VPS37A: variants seen among roughly 807,000 people sequenced by gnomAD.
The protein encoded by VPS37A is VPS37A subunit of ESCRT-I.
VPS37A carries 30 observed loss-of-function variants against 49.8 expected under a neutral mutation model. The ratio of observed to expected loss-of-function variants is 0.60; its 90% confidence interval spans 0.45 to 0.82. VPS37A has a LOEUF of 0.82. Among genes scored for constraint, VPS37A ranks in the 40% least tolerant of loss-of-function variants. The pLI, the probability that VPS37A is intolerant of heterozygous loss-of-function variation, is 0.00. For missense variants in VPS37A, 593 were observed against 464.4 expected (o/e 1.28, Z -2.55); for synonymous variants, 195 against 160.6 (o/e 1.21, Z -1.62).
At chr8:17,267,497 C>T (rs560096853) in intron 2 of VPS37A, among the ~76,000 whole-genome samples, 24 of 151,290 alleles carry the variant, frequency 1.6e-4, no homozygotes, top group Non-Finnish European at 2.8e-4. Flanking sequence ...TGAAAATATA[C>T]TGTTCTTTAC....
intron 1 of VPS37A, chr8:17,248,311 C>T (rs1213007077): frequency 4.5e-6 from 2 of 447,764 alleles, no homozygotes; most frequent in Non-Finnish European, 8.9e-6. Flanking sequence ...GTTGCCCAGG[C>T]TGGAGCGCAG....
intron 1 of VPS37A, among the ~76,000 whole-genome samples, chr8:17,264,257 A>T (rs1813244764): frequency 6.6e-6 from 1 of 152,188 alleles, no homozygotes; most frequent in Non-Finnish European, 1.5e-5. Flanking sequence ...GCTCTAGTTG[A>T]CTTTGAATTG....
intron 5 of VPS37A, 45 bp from the exon 6 acceptor site, chr8:17,276,351 CA>C: frequency 6.5e-7 from 1 of 1,534,896 alleles, no homozygotes; most frequent in Non-Finnish European, 8.9e-7. Context: ...TGAGAGCAGT[CA>C]AAAATAATGG....
At chr8:17,293,934 G>T (rs1490971807) in intron 11 of VPS37A, among the ~76,000 whole-genome samples, 1 of 152,224 alleles carries the variant, frequency 6.6e-6, no homozygotes, top group African/African-American at 2.4e-5. Flanking sequence ...GGTGGTCAGA[G>T]AACCACTTGA....
intron 3 of VPS37A, among the ~76,000 whole-genome samples, chr8:17,268,611 G>C (rs1813691096): frequency 6.6e-6 from 1 of 152,086 alleles, no homozygotes; most frequent in Non-Finnish European, 1.5e-5. Flanking sequence ...ATTGTAAATA[G>C]TCAAGTAAGG....
At chr8:17,284,450 T>G (rs1203038366) in intron 9 of VPS37A, 23 bp from the exon 10 acceptor site, 3 of 1,552,496 alleles carry the variant, frequency 1.9e-6, no homozygotes, top group Non-Finnish European at 1.7e-6. Context: ...TAAATTAAAG[T>G]AGTGCCTGAT....
At chr8:17,328,926 T>C in the VPS37A span, among the ~76,000 whole-genome samples, 1 of 152,218 alleles carries the variant, frequency 6.6e-6, no homozygotes, top group Non-Finnish European at 1.5e-5. Context: ...AAGTTAAAAT[T>C]AGATCATCTC....
intron 1 of VPS37A, among the ~76,000 whole-genome samples, chr8:17,251,066 T>C (rs539895979): frequency 6.6e-6 from 1 of 152,274 alleles, no homozygotes; most frequent in South Asian, 2.1e-4. Flanking sequence ...ATGGACACTG[T>C]TGGTTTTTCC....
At chr8:17,303,972 G>A (rs542049157), downstream of VPS37A, among the ~76,000 whole-genome samples, 41 of 152,174 alleles carry the variant, frequency 2.7e-4, no homozygotes, top group African/African-American at 9.9e-4. Flanking sequence ...AAGTAATTGC[G>A]GTTTTTGCCT....
chr8:17,325,725 C>T, the VPS37A span, among the ~76,000 whole-genome samples: 357 of 152,288 alleles, frequency 2.3e-3, 1 homozygote, highest in Middle Eastern at 6.8e-3. Flanking sequence ...TTTTGATGAA[C>T]GTGCGCTGAT....
downstream of VPS37A, chr8:17,304,287 G>C: frequency 7.2e-7 from 1 of 1,395,384 alleles, no homozygotes; most frequent in Non-Finnish European, 9.8e-7. Flanking sequence ...AAGCCTCAAA[G>C]ATCAGTGTCA....
At chr8:17,268,407 T>G in intron 3 of VPS37A, 35 bp downstream of exon 3, 1 of 1,391,136 alleles carries the variant, frequency 7.2e-7, no homozygotes. Flanking sequence ...CAGGGTAATA[T>G]AATAGGTGTA....
downstream of VPS37A, chr8:17,299,856 G>GAA: frequency 6.2e-7 from 1 of 1,613,458 alleles, no homozygotes; most frequent in South Asian, 1.1e-5. Context: ...ACTCCAAAGG[G>GAA]AAACTTCAGG....
At chr8:17,284,369 G>T in intron 9 of VPS37A, 104 bp from the exon 10 acceptor site, 1 of 1,319,478 alleles carries the variant, frequency 7.6e-7, no homozygotes, top group Non-Finnish European at 1.0e-6. Flanking sequence ...GCTATATAGG[G>T]CATATAATAA....
downstream of VPS37A, among the ~76,000 whole-genome samples, chr8:17,300,893 C>T (rs1052825651): frequency 1.2e-4 from 19 of 152,208 alleles, no homozygotes; most frequent in Non-Finnish European, 1.9e-4. Context: ...TTGTATCTGG[C>T]TTCCTTCACT....
downstream of VPS37A, chr8:17,302,388 A>C: frequency 2.4e-6 from 3 of 1,269,228 alleles, no homozygotes; most frequent in Non-Finnish European, 3.2e-6. Context: ...TAATAACCAA[A>C]TGCAAATTTC....
intron 11 of VPS37A, among the ~76,000 whole-genome samples, chr8:17,293,416 C>T (rs552976077): frequency 1.3e-5 from 2 of 152,060 alleles, no homozygotes; most frequent in African/African-American, 4.8e-5. Context: ...GCTCCTTTAG[C>T]TCTAAGGAGT....
intron 1 of VPS37A, chr8:17,247,887 C>A (rs1811472817): frequency 3.1e-6 from 2 of 648,570 alleles, no homozygotes; most frequent in East Asian, 2.7e-5. Context: ...CTTCTTGAGT[C>A]TCTAAGATTT....
At chr8:17,291,745 T>A (rs2150428809) in intron 11 of VPS37A, among the ~76,000 whole-genome samples, 1 of 152,266 alleles carries the variant, frequency 6.6e-6, no homozygotes, top group East Asian at 1.9e-4. Context: ...CAAGTAGTCA[T>A]CGAGGAGCAG....
Sources: allele counts gnomAD v4.1 joint callset (sites outside exome capture counted in the v4.1 genomes callset), GRCh38; gene constraint gnomAD v4.1.1; transcripts MANE v1.5; gene names NCBI Gene and HGNC (gene_info 2026-07-23, HGNC 2026-07-21).